The following DNM3 variants were observed in gnomAD, a reference collection of about 807,000 sequenced individuals.
The protein encoded by DNM3 is dynamin 3.
A neutral mutation model predicts 101.6 loss-of-function variants in DNM3; 47 were observed. That is an observed-to-expected ratio of 0.46 (90% confidence interval 0.37 to 0.59). The LOEUF (loss-of-function observed/expected upper bound fraction) is 0.59, where lower values mean the gene tolerates loss of function less well. Among genes scored for constraint, DNM3 ranks in the 20% least tolerant of loss-of-function variants. The pLI is 0.00. For missense variants in DNM3, 849 were observed against 1,085.7 expected (o/e 0.78, Z 3.06); for synonymous variants, 385 against 387.9 (o/e 0.99, Z 0.09).
At chr1:172,406,752 A>T (rs1558101410) in intron 20 of DNM3, among the ~76,000 whole-genome samples, 3 of 152,094 alleles carry the variant, frequency 2.0e-5, no homozygotes, top group Non-Finnish European at 4.4e-5. Context: ...ACTTCTTCAT[A>T]CCTGAGAAAG....
intron 14 of DNM3, among the ~76,000 whole-genome samples, chr1:172,209,458 G>A (rs1023486940): frequency 3.0e-4 from 46 of 152,018 alleles, no homozygotes; most frequent in Non-Finnish European, 6.2e-4. Flanking sequence ...TACTAGATAT[G>A]ATTCTGGTTT....
chr1:172,359,062 G>C (rs763678369), intron 17 of DNM3, among the ~76,000 whole-genome samples: 1 of 151,686 alleles, frequency 6.6e-6, no homozygotes, highest in Non-Finnish European at 1.5e-5. Flanking sequence ...TGGCTCAGAC[G>C]GGGCCTGGGG....
At chr1:172,327,886 C>A (rs1293721472) in intron 17 of DNM3, among the ~76,000 whole-genome samples, 4 of 152,102 alleles carry the variant, frequency 2.6e-5, no homozygotes, top group Non-Finnish European at 5.9e-5. Flanking sequence ...CACCAGTAAA[C>A]CTTTGCTTCT....
chr1:172,417,180 A>G (rs577201724), downstream of DNM3, among the ~76,000 whole-genome samples: 1 of 152,316 alleles, frequency 6.6e-6, no homozygotes, highest in South Asian at 2.1e-4. Context: ...ACACCTGGAT[A>G]AGAAGTCAAA....
At chr1:172,263,525 T>C (rs2062744945) in intron 15 of DNM3, among the ~76,000 whole-genome samples, 1 of 152,208 alleles carries the variant, frequency 6.6e-6, no homozygotes, top group Non-Finnish European at 1.5e-5. Flanking sequence ...AGAGATTTCA[T>C]GGACTCATAG....
chr1:172,362,234 C>T (rs1183046117), intron 17 of DNM3, among the ~76,000 whole-genome samples: 1 of 151,866 alleles, frequency 6.6e-6, no homozygotes, highest in East Asian at 1.9e-4. Context: ...TATTAGAAAG[C>T]AATTAACAAT....
chr1:171,976,114 G>C (rs1425552273), intron 2 of DNM3, among the ~76,000 whole-genome samples: 1 of 152,190 alleles, frequency 6.6e-6, no homozygotes, highest in Non-Finnish European at 1.5e-5. Flanking sequence ...AGGTACAAAG[G>C]CAATTCAGTG....
At chr1:172,280,320 T>C (rs1366881948) in intron 15 of DNM3, among the ~76,000 whole-genome samples, 1 of 152,174 alleles carries the variant, frequency 6.6e-6, no homozygotes, top group Admixed American at 6.6e-5. Context: ...TTTTTATTCA[T>C]TGTTGTTTGC....
At chr1:172,061,291 G>A (rs1450397755) in intron 10 of DNM3, among the ~76,000 whole-genome samples, 2 of 145,604 alleles carry the variant, frequency 1.4e-5, no homozygotes, top group Admixed American at 6.9e-5. Context: ...TCAGTGTGGC[G>A]ATTCCTCAGG....
At chr1:172,046,395 G>A (rs2049804673) in intron 9 of DNM3, among the ~76,000 whole-genome samples, 1 of 152,048 alleles carries the variant, frequency 6.6e-6, no homozygotes, top group South Asian at 2.1e-4. Flanking sequence ...TCACACTCTG[G>A]GGACTGTTGT....
At chr1:172,190,412 T>TGG in intron 14 of DNM3, among the ~76,000 whole-genome samples, 1 of 152,184 alleles carries the variant, frequency 6.6e-6, no homozygotes, top group African/African-American at 2.4e-5. Flanking sequence ...CAGTCTATCA[T>TGG]TGATGGACAT....
chr1:172,049,642 A>G (rs1320543294), intron 10 of DNM3, among the ~76,000 whole-genome samples: 1 of 152,170 alleles, frequency 6.6e-6, no homozygotes, highest in African/African-American at 2.4e-5. Context: ...ACAGTAGGGT[A>G]GGTCTAGCCC....
At chr1:171,927,904 A>G (rs2040707778) in intron 2 of DNM3, among the ~76,000 whole-genome samples, 1 of 152,230 alleles carries the variant, frequency 6.6e-6, no homozygotes, top group Non-Finnish European at 1.5e-5. Context: ...TTTAGAGGAC[A>G]TATAATACTC....
chr1:171,951,456 T>A (rs899382663), intron 2 of DNM3, among the ~76,000 whole-genome samples: 3 of 152,180 alleles, frequency 2.0e-5, no homozygotes, highest in African/African-American at 7.2e-5. Flanking sequence ...TTCTCTTCTT[T>A]AACTGTGCTT....
At chr1:172,374,877 CT>C (rs1233494878) in intron 17 of DNM3, among the ~76,000 whole-genome samples, 1 of 152,064 alleles carries the variant, frequency 6.6e-6, no homozygotes, top group Non-Finnish European at 1.5e-5. Context: ...ATCTTTCAAT[CT>C]TTGTAAACAG....
intron 16 of DNM3, among the ~76,000 whole-genome samples, chr1:172,321,157 C>T (rs1291191055): frequency 6.6e-6 from 1 of 152,148 alleles, no homozygotes; most frequent in Non-Finnish European, 1.5e-5. Flanking sequence ...CTTGGACAAA[C>T]TCTGAAAGTG....
rs900278316 is a variant in DNM3 at position 172,043,177 on chromosome 1, T to C, written c.1128+1033T>C. Among the ~76,000 whole-genome samples the C allele has an allele frequency of 1.2e-4, 19 of 152,222 alleles. 1 individual carries two copies. The highest frequency in any genetic ancestry group is 6.8e-3 in the Middle Eastern group (2 of 294). ...GGCTTTGGGGTTTTGGAGATAAAGT[T>C]GCTAGGGCTTCGATTGAAATGGGGG... On this transcript the variant is annotated intron_variant, in intron 8 of 20. Coordinates refer to ENST00000627582, the MANE Select transcript of DNM3 (RefSeq NM_015569.5).
At chr1:172,052,653 A>C (rs1012077512) in intron 10 of DNM3, among the ~76,000 whole-genome samples, 1 of 152,102 alleles carries the variant, frequency 6.6e-6, no homozygotes, top group Non-Finnish European at 1.5e-5. Flanking sequence ...CTCTTTATAA[A>C]GCTGGCACTC....
chr1:171,942,098 A>C (rs569429693), intron 2 of DNM3, among the ~76,000 whole-genome samples: 1 of 152,160 alleles, frequency 6.6e-6, no homozygotes, highest in Admixed American at 6.5e-5. Context: ...AGACTAGTAC[A>C]GAGTGGACTT....
Sources: allele counts gnomAD v4.1 joint callset (sites outside exome capture counted in the v4.1 genomes callset), GRCh38; gene constraint gnomAD v4.1.1; transcripts MANE v1.5; gene names NCBI Gene and HGNC (gene_info 2026-07-23, HGNC 2026-07-21).